Variants in NAA15 observed in about 807,000 individuals in gnomAD.
NAA15 encodes N-alpha-acetyltransferase 15, NatA auxiliary subunit.
Under a neutral mutation model 114.0 loss-of-function variants are expected in NAA15, and 34 were observed. The observed-to-expected ratio is 0.30, with a 90% CI of 0.23 to 0.40. The LOEUF (loss-of-function observed/expected upper bound fraction) is 0.40. Among genes scored for constraint, NAA15 ranks in the 10% least tolerant of loss-of-function variants. The probability of loss-of-function intolerance (pLI) is 1.00; values close to 1 mark genes in which losing one functional copy is unlikely to be tolerated. For missense variants in NAA15, 658 were observed against 1,004.5 expected (o/e 0.66, Z 4.66); for synonymous variants, 340 against 338.0 (o/e 1.01, Z -0.06).
intron 1 of NAA15, among the ~76,000 whole-genome samples, chr4:139,314,993 C>CAGTTTAGTTTAGTTTAGTTTAGTTT (rs1177329024): frequency 2.3e-4 from 4 of 17,422 alleles, no homozygotes; most frequent in African/African-American, 1.2e-3. Flanking sequence ...GCGTTCAGTT[C>CAGTTTAGTTTAGTTTAGTTTAGTTT]AGTTCAGTTT....
rs1401616669 is a variant in NAA15, at chr4:139,327,677, TTTG to T, written c.55-6494_55-6492del. On this transcript the variant is annotated intron_variant, in intron 1 of 19. Transcript: ENST00000296543. ...TGTATTTGTTTTCGTTTTGTTTTGT[TTTG>T]TTTGAGACAGAGTCTCACTCTGTTG... Among the ~76,000 whole-genome samples, 4 of 152,292 alleles carry T rather than the reference TTTG, an allele frequency of 2.6e-5. No homozygotes were observed. The East Asian group carries it at 7.7e-4, about 29-fold the overall frequency.
chr4:139,346,905 A>T (rs1305417447), intron 6 of NAA15, among the ~76,000 whole-genome samples: 4 of 152,154 alleles, frequency 2.6e-5, no homozygotes, highest in Non-Finnish European at 5.9e-5. Context: ...GGAAACGAGG[A>T]TGGGTATAGT....
chr4:139,363,423 A>T (rs190541428), intron 14 of NAA15, among the ~76,000 whole-genome samples: 1 of 152,114 alleles, frequency 6.6e-6, no homozygotes, highest in Admixed American at 6.6e-5. Context: ...ATACACATGC[A>T]TTTCAGGATG....
intron 1 of NAA15, among the ~76,000 whole-genome samples, chr4:139,324,992 G>A (rs981325540): frequency 1.3e-5 from 2 of 152,098 alleles, no homozygotes; most frequent in Non-Finnish European, 2.9e-5. Context: ...ATTTCAATAA[G>A]GACATAGCTG....
chr4:139,371,984 C>T (rs1243179286), intron 15 of NAA15, among the ~76,000 whole-genome samples: 3 of 152,116 alleles, frequency 2.0e-5, no homozygotes, highest in Non-Finnish European at 2.9e-5. Context: ...GGCGCGATCT[C>T]GGCTCACTGC....
At chr4:139,308,784 T>C (rs1746113819) in intron 1 of NAA15, among the ~76,000 whole-genome samples, 1 of 151,960 alleles carries the variant, frequency 6.6e-6, no homozygotes, top group African/African-American at 2.4e-5. Context: ...CCCAGCTAAG[T>C]TTTATATTTT....
chr4:139,355,401 T>C (rs949353736), intron 10 of NAA15, among the ~76,000 whole-genome samples: 2 of 152,122 alleles, frequency 1.3e-5, no homozygotes, highest in African/African-American at 4.8e-5. Flanking sequence ...TGAAGAAATT[T>C]TTTTATTTTT....
chr4:139,308,924 G>A (rs1011178655), intron 1 of NAA15, among the ~76,000 whole-genome samples: 12 of 152,134 alleles, frequency 7.9e-5, no homozygotes, highest in South Asian at 6.2e-4. Context: ...GCCGGTAATC[G>A]TAAATTTAAA....
intron 2 of NAA15, among the ~76,000 whole-genome samples, chr4:139,335,743 T>A (rs1423070434): frequency 1.3e-5 from 2 of 151,440 alleles, no homozygotes; most frequent in Non-Finnish European, 2.9e-5. Flanking sequence ...TGCATATAAA[T>A]TGTCATAATT....
chr4:139,360,447 A>T (rs1362257293), intron 12 of NAA15, 53 bp from the exon 13 acceptor site: 9 of 1,423,600 alleles, frequency 6.3e-6, no homozygotes, highest in East Asian at 2.6e-5. Flanking sequence ...ATTCTGTGGT[A>T]GAATGATGTC....
Position 139,351,754 on chromosome 4 carries a change from T to G in NAA15, c.1014+143T>G, listed in dbSNP as rs1416289275. The stretch of plus-strand genomic sequence containing the variant: ...TCCCAGTTTGCAGTTTAAATGCTTC[T>G]GATTCCTCTTTTTTCCATTTCATCC... On this transcript the variant is annotated intron_variant, in intron 9 of 19. Transcript: ENST00000296543. 4 of 482,532 alleles carry G rather than the reference T, an allele frequency of 8.3e-6. No individual in the cohort carries two copies. In the East Asian group the frequency reaches 1.3e-4, roughly 15 times the overall value. 29.9% of individuals were successfully genotyped at this position (482,532 alleles called of 1,614,324 possible).
chr4:139,350,867 T>TA (rs1747757017), intron 7 of NAA15, among the ~76,000 whole-genome samples: 1 of 151,814 alleles, frequency 6.6e-6, no homozygotes, highest in Admixed American at 6.6e-5. Flanking sequence ...GGAGAGGAGT[T>TA]AGAGGGGAGA....
At chr4:139,340,803 T>C (rs921554063) in intron 3 of NAA15, 109 bp from the exon 4 acceptor site, 1 of 826,388 alleles carries the variant, frequency 1.2e-6, no homozygotes, top group Non-Finnish European at 1.8e-6. Context: ...TTCCCCTTCT[T>C]TTTAAGCTTG....
intron 1 of NAA15, among the ~76,000 whole-genome samples, chr4:139,309,379 G>T (rs1579080300): frequency 6.6e-6 from 1 of 151,306 alleles, no homozygotes. Context: ...AGTGAGAAGT[G>T]AAAATCTTTT....
At chr4:139,317,688 T>A (rs144067300) in intron 1 of NAA15, among the ~76,000 whole-genome samples, 162 of 152,292 alleles carry the variant, frequency 1.1e-3, no homozygotes, top group African/African-American at 2.9e-3. Context: ...AATCTGTGTT[T>A]TTTATGTGCT....
chr4:139,378,078 A>G (rs1748639945), intron 16 of NAA15, among the ~76,000 whole-genome samples: 1 of 152,074 alleles, frequency 6.6e-6, no homozygotes, highest in African/African-American at 2.4e-5. Context: ...CATTAGGAGA[A>G]GAGACTGGGG....
At chr4:139,374,134 GAGA>G (rs1748517981) in intron 15 of NAA15, among the ~76,000 whole-genome samples, 2 of 152,116 alleles carry the variant, frequency 1.3e-5, no homozygotes, top group Non-Finnish European at 2.9e-5. Context: ...TGCTATGCTA[GAGA>G]CATATACTCC....
At chr4:139,304,089 T>C (rs1450904262) in intron 1 of NAA15, among the ~76,000 whole-genome samples, 1 of 152,188 alleles carries the variant, frequency 6.6e-6, no homozygotes, top group African/African-American at 2.4e-5. Context: ...GGCTAATTTT[T>C]TGTATTTTTT....
At chr4:139,344,983 A>G (rs1747534972) in intron 6 of NAA15, among the ~76,000 whole-genome samples, 2 of 152,226 alleles carry the variant, frequency 1.3e-5, no homozygotes, top group Non-Finnish European at 2.9e-5. Flanking sequence ...ATAAAAGAAG[A>G]ATAACAAGTA....
Sources: allele counts gnomAD v4.1 joint callset (sites outside exome capture counted in the v4.1 genomes callset), GRCh38; gene constraint gnomAD v4.1.1; transcripts MANE v1.5; gene names NCBI Gene and HGNC (gene_info 2026-07-23, HGNC 2026-07-21).